Variants in TJP1 observed in about 807,000 individuals in gnomAD.
The protein encoded by TJP1 is tight junction protein ZO-1.
In TJP1, 43 loss-of-function variants were observed where a neutral mutation model predicts 194.2. The observed-to-expected ratio is 0.22, with a 90% CI of 0.17 to 0.29. The LOEUF is 0.29. TJP1 is among the 10% of genes least tolerant of loss of function. The pLI, the probability that TJP1 is intolerant of heterozygous loss-of-function variation, is 1.00. For synonymous variants in TJP1, 801 were observed against 779.0 expected, an observed-to-expected ratio of 1.03 and a Z score of -0.47; for missense variants, 1,971 against 2,185.7, an observed-to-expected ratio of 0.90 and a Z score of 1.96.
intron 2 of TJP1, among the ~76,000 whole-genome samples, chr15:29,901,875 T>C (rs1027533130): frequency 4.6e-5 from 7 of 152,094 alleles, no homozygotes; most frequent in African/African-American, 1.7e-4. Flanking sequence ...TGATGACATG[T>C]CTGCATCATC....
At chr15:29,874,631 T>C (rs1050810380) in intron 2 of TJP1, among the ~76,000 whole-genome samples, 1 of 152,246 alleles carries the variant, frequency 6.6e-6, no homozygotes, top group African/African-American at 2.4e-5. Flanking sequence ...AAATCCATGC[T>C]AATGAAATTC....
intron 2 of TJP1, among the ~76,000 whole-genome samples, chr15:29,955,130 T>C (rs1266402880): frequency 1.3e-5 from 2 of 152,170 alleles, no homozygotes; most frequent in Non-Finnish European, 2.9e-5. Flanking sequence ...TGAGCTTTTA[T>C]TTTCAGTAGT....
intron 15 of TJP1, 22 bp downstream of exon 15, chr15:29,732,411 A>C: frequency 6.2e-7 from 1 of 1,606,066 alleles, no homozygotes; most frequent in Non-Finnish European, 8.5e-7. Context: ...ACCTCATTTA[A>C]GTTAGCCTTG....
chr15:29,883,579 C>T (rs184376670), intron 2 of TJP1, among the ~76,000 whole-genome samples: 180 of 152,112 alleles, frequency 1.2e-3, no homozygotes, highest in African/African-American at 4.1e-3. Flanking sequence ...TGGTACGTGT[C>T]CTTTTTTTTT....
At chr15:29,957,472 T>C (rs757608272) in intron 1 of TJP1, among the ~76,000 whole-genome samples, 4 of 152,228 alleles carry the variant, frequency 2.6e-5, no homozygotes, top group Non-Finnish European at 5.9e-5. Flanking sequence ...CATGCTTATA[T>C]ACAGATGTGT....
chr15:29,819,700 A>G (rs1380629514), intron 1 of TJP1, among the ~76,000 whole-genome samples: 1 of 152,206 alleles, frequency 6.6e-6, no homozygotes, highest in Non-Finnish European at 1.5e-5. Flanking sequence ...TGACTTGGGG[A>G]AAATTAGTAA....
At chr15:29,737,705 GT>G (rs1232000852) in intron 10 of TJP1, among the ~76,000 whole-genome samples, 1 of 152,114 alleles carries the variant, frequency 6.6e-6, no homozygotes, top group African/African-American at 2.4e-5. Context: ...CTCTCAAAGA[GT>G]TATGGTACAT....
At chr15:29,961,410 G>A (rs908505936) in intron 1 of TJP1, among the ~76,000 whole-genome samples, 2 of 143,412 alleles carry the variant, frequency 1.4e-5, no homozygotes, top group African/African-American at 5.1e-5. Flanking sequence ...CTGCAGTGGC[G>A]CAATCTCGGC....
intron 1 of TJP1, among the ~76,000 whole-genome samples, chr15:29,815,965 G>A (rs2049886224): frequency 6.6e-6 from 1 of 151,888 alleles, no homozygotes; most frequent in Admixed American, 6.6e-5. Context: ...CTGCGTTACA[G>A]CCCTCGAAGC....
At chr15:29,954,800 G>C (rs1289609769) in intron 2 of TJP1, among the ~76,000 whole-genome samples, 4 of 152,144 alleles carry the variant, frequency 2.6e-5, no homozygotes, top group African/African-American at 9.7e-5. Flanking sequence ...TAGAGTATTG[G>C]CCGGGCACGG....
chr15:29,773,332 G>C lies in TJP1; in HGVS notation c.110C>G (p.Ala37Gly). 1 of 1,613,744 alleles carries C rather than the reference G, an allele frequency of 6.2e-7. No individual in the cohort carries two copies. Among genetic ancestry groups the C allele is most frequent in the Non-Finnish European group, 8.5e-7 (1 of 1,179,796 alleles). ...AGGATTATCTCGTCCACCAGATATT[G>C]CAATTCCAAATCCAAATCCAGGAGC... ...HRAPGFGFGIAISGGRDNPHF... is the reference protein window; with the variant it reads ...HRAPGFGFGIGISGGRDNPHF... The change falls in exon 3 of 28, where the codon GCA becomes GGA. Residue 37 changes from alanine to glycine, a missense_variant. Ala to Gly is a moderately conservative substitution (Grantham distance 60). Coordinates refer to ENST00000614355, the MANE Select transcript of TJP1 (RefSeq NM_001330239.4).
intron 1 of TJP1, among the ~76,000 whole-genome samples, chr15:29,958,292 T>G (rs1004161569): frequency 1.1e-4 from 10 of 91,364 alleles, no homozygotes; most frequent in African/African-American, 3.2e-4. Context: ...CTCTTTTTAG[T>G]TTTTTTTTTT....
At position 29,716,835 on chromosome 15, in the gene TJP1, G is replaced by A. The variant is rs373398760; in HGVS notation, c.3978C>T (p.Ile1326=). Residue 1326 remains isoleucine, a synonymous_variant, in exon 23 of 28, where the codon ATC becomes ATT. Transcript: ENST00000614355. ...TCAGTTGAGGTTTTTGAGGTTCTGGGATCCTAACAGATAATGAATGACAAA... is the reference window on the plus strand; with the variant it reads ...TCAGTTGAGGTTTTTGAGGTTCTGGAATCCTAACAGATAATGAATGACAAA... ...FSEHDKTLYR[I]PEPQKPQLKP... The A allele has an allele frequency of 2.5e-6, 4 of 1,591,438 alleles. No individual in the cohort carries two copies. The East Asian group carries it at 6.8e-5, about 27-fold the overall frequency.
chr15:29,710,738 T>G, intron 24 of TJP1, 93 bp downstream of exon 24: 1 of 1,513,578 alleles, frequency 6.6e-7, no homozygotes, highest in Non-Finnish European at 9.1e-7. Flanking sequence ...CAAGCATGTA[T>G]TTTTTAATGT....
chr15:29,790,741 GTTCAT>G (rs1353273922), intron 2 of TJP1, among the ~76,000 whole-genome samples: 110 of 147,174 alleles, frequency 7.5e-4, no homozygotes, highest in African/African-American at 2.6e-3. Context: ...GTCTCCGTGA[GTTCAT>G]TTTTCTTTTT....
intron 2 of TJP1, among the ~76,000 whole-genome samples, chr15:29,892,420 T>A (rs1010282819): frequency 3.3e-5 from 5 of 152,176 alleles, no homozygotes; most frequent in African/African-American, 1.2e-4. Context: ...TTGATAAAGG[T>A]GGCTACACCA....
intron 2 of TJP1, among the ~76,000 whole-genome samples, chr15:29,793,916 C>G (rs192838444): frequency 6.6e-6 from 1 of 152,290 alleles, no homozygotes; most frequent in Admixed American, 6.5e-5. Flanking sequence ...TTTTGCATCT[C>G]TGTTCAAAGA....
intron 2 of TJP1, among the ~76,000 whole-genome samples, chr15:29,834,681 GA>G (rs1450695228): frequency 6.6e-6 from 1 of 152,154 alleles, no homozygotes; most frequent in Non-Finnish European, 1.5e-5. Context: ...TAAAAGCTAA[GA>G]AAAATTGGTG....
chr15:29,744,445 CAAAAT>C (rs1049716204), intron 8 of TJP1, among the ~76,000 whole-genome samples: 36 of 151,984 alleles, frequency 2.4e-4, no homozygotes, highest in African/African-American at 7.5e-4. Context: ...TGGCAAGAAA[CAAAAT>C]AAAACTAAAT....
Sources: allele counts gnomAD v4.1 joint callset (sites outside exome capture counted in the v4.1 genomes callset), GRCh38; gene constraint gnomAD v4.1.1; transcripts MANE v1.5; gene names NCBI Gene and HGNC (gene_info 2026-07-23, HGNC 2026-07-21).